The following SCUBE2 variants were observed in gnomAD, a reference collection of about 807,000 sequenced individuals.
The protein encoded by SCUBE2 is signal peptide, CUB and EGF-like domain-containing protein 2.
SCUBE2 carries 114 observed loss-of-function variants against 125.9 expected under a neutral mutation model. The observed-to-expected ratio is 0.91, with a 90% CI of 0.78 to 1.06. The LOEUF is 1.06. Among genes scored for constraint, SCUBE2 ranks in the 50% least tolerant of loss-of-function variants. The pLI, the probability that SCUBE2 is intolerant of heterozygous loss-of-function variation, is 0.00. For synonymous variants in SCUBE2, 459 were observed against 492.9 expected (o/e 0.93, Z 0.91); for missense variants, 1,255 against 1,301.8 (o/e 0.96, Z 0.55).
chr11:9,030,227 G>A, intron 18 of SCUBE2, 182 bp from the exon 19 acceptor site: 1 of 630,668 alleles, frequency 1.6e-6, no homozygotes, highest in Non-Finnish European at 2.8e-6. Flanking sequence ...TGGGGCTCAT[G>A]AAATAGAGAA....
In SCUBE2 at chr11:9,074,414, G is replaced by A; in HGVS notation, c.517+67C>T. 1.9e-6 allele frequency: 3 copies of A among 1,575,918 alleles called. No individual in the cohort carries two copies. The South Asian group carries it at 3.5e-5, about 19-fold the overall frequency. ...TGCTTCCCCTCTAGAGTCAGTGTGT[G>A]TGTGCGCGTGCAAGGGAGAGGGTCT... is the stretch of plus-strand genomic sequence containing the variant. On this transcript the variant is annotated intron_variant, in intron 4 of 22. Transcript: ENST00000649792.
rs1406906236 is a variant in SCUBE2, at chr11:9,091,161, C to A, written c.133+235G>T. Among the ~76,000 whole-genome samples the A allele has an allele frequency of 2.6e-5, 4 of 152,158 alleles. No homozygotes were observed. The highest frequency in any genetic ancestry group is 5.9e-5 in the Non-Finnish European group (4 of 68,022). ...CGCTCTGGAGGCATCCGGACCGGGG[C>A]GGGAACCGTCAGCAGCTCCGGGTCC... On this transcript the variant is annotated intron_variant, in intron 1 of 22. Transcript: ENST00000649792. This position sits in a 1 kb window ranked among gnomAD's most constrained non-coding sequence, Gnocchi z 8.5.
intron 3 of SCUBE2, 147 bp from the exon 4 acceptor site, chr11:9,074,762 G>A: frequency 1.0e-6 from 1 of 963,008 alleles, no homozygotes; most frequent in Non-Finnish European, 1.6e-6. Flanking sequence ...AGCCGGTAAG[G>A]TCCACAGACA....
At chr11:9,082,005 A>AT (rs1056972190) in intron 2 of SCUBE2, among the ~76,000 whole-genome samples, 2 of 152,084 alleles carry the variant, frequency 1.3e-5, no homozygotes, top group Non-Finnish European at 2.9e-5. Context: ...ATTATTTTCT[A>AT]TTTTTTTGAT....
chr11:9,043,781 G>T (rs1046134837), intron 16 of SCUBE2, among the ~76,000 whole-genome samples: 1 of 147,534 alleles, frequency 6.8e-6, no homozygotes, highest in Non-Finnish European at 1.5e-5. Flanking sequence ...TACTAATAAA[G>T]AAAACCAAGT....
At chr11:9,021,295 G>T in intron 22 of SCUBE2, 98 bp from the exon 23 acceptor site, 2 of 1,032,550 alleles carry the variant, frequency 1.9e-6, no homozygotes, top group Non-Finnish European at 2.6e-6. Flanking sequence ...GCCGTAGCTT[G>T]CTTAGCTGAA....
rs780160762 is a variant in SCUBE2 at position 9,059,395 on chromosome 11, C to A, written c.998G>T (p.Gly333Val). 2.5e-6 allele frequency: 4 copies of A among 1,614,090 alleles called. No individual in the cohort carries two copies. The highest frequency in any genetic ancestry group is 3.4e-6 in the Non-Finnish European group (4 of 1,180,038). The change falls in exon 9 of 23, where the codon GGT becomes GTT. Residue 333 changes from glycine to valine, a missense_variant. Physicochemically the swap from Gly to Val is moderately radical, Grantham distance 109. Transcript: ENST00000649792. Reference sequence around the variant, plus strand: ...GATGTTTTTGCAGAAATGATCACAACCTCCATTGCGGGTCTGGCACTCATC... The same window carrying A: ...GATGTTTTTGCAGAAATGATCACAAACTCCATTGCGGGTCTGGCACTCATC... Reference protein sequence around the residue: ...DIDECQTRNGGCDHFCKNIVG... With the variant: ...DIDECQTRNGVCDHFCKNIVG...
chr11:9,022,946 T>A (rs768381882), intron 21 of SCUBE2, among the ~76,000 whole-genome samples: 9 of 152,120 alleles, frequency 5.9e-5, no homozygotes, highest in Non-Finnish European at 1.3e-4. Context: ...TCTCCTTTAT[T>A]TGAATGGGGC....
At chr11:9,071,467 G>A (rs1860798068) in intron 4 of SCUBE2, among the ~76,000 whole-genome samples, 1 of 152,178 alleles carries the variant, frequency 6.6e-6, no homozygotes, top group South Asian at 2.1e-4. Flanking sequence ...AGCTTTTCAA[G>A]AAGTGACCTC....
At chr11:9,031,221 T>A in intron 17 of SCUBE2, 1 of 247,988 alleles carries the variant, frequency 4.0e-6, no homozygotes, top group Non-Finnish European at 7.7e-6. Context: ...GGCTTAGGCC[T>A]ACACACTGCC....
rs184410162 is a variant in SCUBE2 at position 9,039,348 on chromosome 11, G to A, written c.2003-5552C>T. 4.3e-3 allele frequency among the ~76,000 whole-genome samples: 655 copies of A among 152,286 alleles called. 5 individuals are homozygous for A. The highest frequency in any genetic ancestry group is 6.9e-3 in the Non-Finnish European group (470 of 68,028). Reference sequence around the variant, plus strand: ...GGCAGAGCTGACAGGATTTGCACACGGACTGGATGAGGAACGCAACAGAAA... The same window carrying A: ...GGCAGAGCTGACAGGATTTGCACACAGACTGGATGAGGAACGCAACAGAAA... On this transcript the variant is annotated intron_variant, in intron 16 of 22. Coordinates refer to ENST00000649792, the MANE Select transcript of SCUBE2 (RefSeq NM_001367977.2).
At chr11:9,064,255 C>T (rs1859977408) in intron 7 of SCUBE2, among the ~76,000 whole-genome samples, 1 of 151,954 alleles carries the variant, frequency 6.6e-6, no homozygotes, top group South Asian at 2.1e-4. Context: ...TCGCTAGAGC[C>T]CAGGAGTTCG....
At chr11:9,048,695 T>G (rs1232963015) in intron 14 of SCUBE2, among the ~76,000 whole-genome samples, 1 of 152,180 alleles carries the variant, frequency 6.6e-6, no homozygotes, top group African/African-American at 2.4e-5. Flanking sequence ...AGAGTGGAAG[T>G]GTTGCATGAC....
In SCUBE2 at chr11:9,091,376, C is replaced by T. The variant is rs535349556; in HGVS notation, c.133+20G>A. The T allele has an allele frequency of 9.2e-4, 1,199 of 1,302,182 alleles. 3 individuals carry two copies. The highest frequency in any genetic ancestry group is 1.5e-3 in the Admixed American group (43 of 28,302). The allele number at this position is 1,302,182 out of a possible 1,614,324, so 80.7% of individuals were successfully genotyped here. A position where few individuals can be genotyped will look rare whatever the true frequency, so the allele number is the denominator to read the frequency against. On this transcript the variant is annotated intron_variant, in intron 1 of 22. Coordinates refer to ENST00000649792, the MANE Select transcript of SCUBE2 (RefSeq NM_001367977.2). This position sits in a 1 kb window ranked among gnomAD's most constrained non-coding sequence, Gnocchi z 8.5. ...GCCCTGCCTGCTGTGCCAGGTGCGCCCCCGCGGCCGGACACTCACCCTCCT... is the reference window on the plus strand; with the variant it reads ...GCCCTGCCTGCTGTGCCAGGTGCGCTCCCGCGGCCGGACACTCACCCTCCT...
chr11:9,027,347 G>GA lies in SCUBE2; in HGVS notation c.2701+16dup. On this transcript the variant is annotated intron_variant, in intron 20 of 22. Coordinates refer to ENST00000649792, the MANE Select transcript of SCUBE2 (RefSeq NM_001367977.2). ...TCCCAGCTGGCCTGAGAAAGGGAGG[G>GA]AGGGAGTGAGACGCACAGGTTTTCC... The GA allele has an allele frequency of 6.2e-7, 1 of 1,613,004 alleles. No individual in the cohort carries two copies. The highest frequency in any genetic ancestry group is 8.5e-7 in the Non-Finnish European group (1 of 1,179,510).
intron 2 of SCUBE2, among the ~76,000 whole-genome samples, chr11:9,083,792 G>A (rs1364355537): frequency 2.0e-5 from 3 of 152,076 alleles, no homozygotes; most frequent in South Asian, 4.2e-4. Context: ...CACCCGCCTC[G>A]GCCTCCCAAA....
At position 9,048,014 on chromosome 11, in the gene SCUBE2, C is replaced by G; in HGVS notation, c.1724G>C (p.Arg575Pro). Reference sequence around the variant, plus strand: ...AAACATTTCCTTAGGGGTGCTTGGTCGGCCAGGGGCTCCTGGGACTTGCTT... The same window carrying G: ...AAACATTTCCTTAGGGGTGCTTGGTGGGCCAGGGGCTCCTGGGACTTGCTT... ...SGKQVPGAPGRPSTPKEMFIT... is the reference protein window; with the variant it reads ...SGKQVPGAPGPPSTPKEMFIT... Residue 575 changes from arginine to proline, a missense_variant, in exon 15 of 23, where the codon CGA (arginine) becomes CCA (proline). By Grantham distance (103) the Arg-to-Pro change is moderately radical (BLOSUM62 -2). This residue lies in a region of SCUBE2 where 378 missense variants were observed against 463.1 expected (regional missense o/e 0.82). Transcript: ENST00000649792. The G allele has an allele frequency of 6.2e-7, 1 of 1,614,142 alleles. No homozygotes were observed. The highest frequency in any genetic ancestry group is 1.3e-5 in the African/African-American group (1 of 75,050).
intron 9 of SCUBE2, 24 bp downstream of exon 9, chr11:9,059,279 C>T (rs758476470): frequency 1.2e-6 from 2 of 1,611,978 alleles, no homozygotes; most frequent in South Asian, 2.2e-5. Flanking sequence ...CATTGCGCAG[C>T]ACAGCTATGT....
At chr11:9,078,019 G>T (rs1327853954) in intron 3 of SCUBE2, among the ~76,000 whole-genome samples, 1 of 152,106 alleles carries the variant, frequency 6.6e-6, no homozygotes, top group African/African-American at 2.4e-5. Flanking sequence ...TAATGATGAA[G>T]TCTGCCATCA....
Sources: gnomAD v4.1 joint callset for allele counts (sites outside exome capture counted in the v4.1 genomes callset) on GRCh38, gnomAD v4.1.1 for gene constraint, gnomAD v4.1.1 regional missense constraint, Gnocchi (gnomAD v3.1) non-coding constraint, MANE v1.5 for transcripts, NCBI Gene and HGNC (gene_info 2026-07-23, HGNC 2026-07-21) for gene names.